Variants in EYS observed in about 807,000 individuals in gnomAD.
The protein encoded by EYS is EGF-like photoreceptor maintenance factor, also known as protein eyes shut homolog.
A neutral mutation model predicts 282.1 loss-of-function variants in EYS; 250 were observed. That is an observed-to-expected ratio of 0.89 (90% CI 0.80 to 0.98). The LOEUF (loss-of-function observed/expected upper bound fraction) is 0.98. Ranked by LOEUF, EYS falls within the 50% of genes least tolerant of loss-of-function variation. The pLI is 0.00. For synonymous variants in EYS, 1,355 were observed against 1,282.9 expected, an observed-to-expected ratio of 1.06 and a Z score of -1.20; for missense variants, 4,016 against 3,709.0, an observed-to-expected ratio of 1.08 and a Z score of -2.15.
At position 64,384,972 on chromosome 6, in the gene EYS, A is replaced by G. The variant is rs1486556500; in HGVS notation, c.6078+3718T>C. Among the ~76,000 whole-genome samples, 5 of 152,308 alleles carry G rather than the reference A, an allele frequency of 3.3e-5. No individual in the cohort carries two copies. The East Asian group carries it at 9.6e-4, about 29-fold the overall frequency. On this transcript the variant is annotated intron_variant, in intron 29 of 42. Transcript: ENST00000503581. ...ATTGGAAACTTAGGGGTGAGAGCAT[A>G]AATGTAACTTAACACTTTTTGGCTC... is the stretch of plus-strand genomic sequence containing the variant.
intron 31 of EYS, among the ~76,000 whole-genome samples, chr6:64,156,709 AT>A (rs1191110855): frequency 6.6e-6 from 1 of 152,154 alleles, no homozygotes; most frequent in Non-Finnish European, 1.5e-5. Flanking sequence ...GACTCTTGTT[AT>A]GTTTTAGCAA....
At chr6:65,225,978 T>G (rs1182421205) in intron 12 of EYS, among the ~76,000 whole-genome samples, 3 of 151,934 alleles carry the variant, frequency 2.0e-5, no homozygotes, top group Non-Finnish European at 4.4e-5. Flanking sequence ...TATCAGGAAC[T>G]AGACAGAGAA....
At chr6:64,438,905 T>C (rs1042740162) in intron 27 of EYS, among the ~76,000 whole-genome samples, 7 of 151,522 alleles carry the variant, frequency 4.6e-5, no homozygotes, top group Non-Finnish European at 8.9e-5. Flanking sequence ...ATTAATGAAA[T>C]CCAGTTAGCT....
intron 22 of EYS, among the ~76,000 whole-genome samples, chr6:64,643,116 C>A (rs1768226192): frequency 8.7e-6 from 1 of 115,592 alleles, no homozygotes; most frequent in South Asian, 3.1e-4. Context: ...ACTCCATCCC[C>A]CCCCCCAAAA....
intron 22 of EYS, among the ~76,000 whole-genome samples, chr6:64,640,953 C>T (rs4604253): frequency 0.2 from 30,354 of 152,018 alleles, 3,543 homozygotes; most frequent in East Asian, 0.34. Flanking sequence ...CATTCATTAA[C>T]GACATGACAT....
chr6:64,114,135 C>T (rs567316359), intron 31 of EYS, among the ~76,000 whole-genome samples: 29 of 152,042 alleles, frequency 1.9e-4, no homozygotes, highest in Non-Finnish European at 3.5e-4. Flanking sequence ...AAAAAAATTT[C>T]TCCAGACAAT....
At chr6:64,451,034 C>T (rs368388446) in intron 26 of EYS, among the ~76,000 whole-genome samples, 2 of 151,950 alleles carry the variant, frequency 1.3e-5, no homozygotes, top group African/African-American at 2.4e-5. Context: ...AATAGAGACA[C>T]AAAAAACCCT....
chr6:65,427,749 A>T (rs2150381528), intron 5 of EYS, among the ~76,000 whole-genome samples: 1 of 152,222 alleles, frequency 6.6e-6, no homozygotes, highest in African/African-American at 2.4e-5. Context: ...TAAAAATTGC[A>T]AAAGAAATTC....
chr6:64,020,031 G>A (rs1274078550), intron 33 of EYS, among the ~76,000 whole-genome samples: 15 of 151,890 alleles, frequency 9.9e-5, no homozygotes, highest in Non-Finnish European at 2.1e-4. Context: ...TCAGTGACAA[G>A]AAACACTGAT....
Position 64,674,729 on chromosome 6 carries a change from A to AACACACAC in EYS, c.3444-48492_3444-48485dup, listed in dbSNP as rs70999158. On this transcript the variant is annotated intron_variant, in intron 22 of 42. Coordinates refer to ENST00000503581, the MANE Select transcript of EYS (RefSeq NM_001142800.2). Reference sequence around the variant, plus strand: ...TTATGCCTCTAACATTTCTGTCATTAACACACACACACACACACACACACG... The same window carrying AACACACAC: ...TTATGCCTCTAACATTTCTGTCATTAACACACACACACACACACACACACACACACACG... Among the ~76,000 whole-genome samples, 362 of 148,226 alleles carry AACACACAC rather than the reference A, an allele frequency of 2.4e-3. 4 individuals carry two copies. Among genetic ancestry groups the AACACACAC allele is most frequent in the African/African-American group, 8.1e-3 (326 of 40,398 alleles).
chr6:65,560,931 C>A (rs1368828710), intron 2 of EYS, among the ~76,000 whole-genome samples: 1 of 151,898 alleles, frequency 6.6e-6, no homozygotes, highest in Non-Finnish European at 1.5e-5. Context: ...AATCTTCAAG[C>A]CTGAAGATTT....
intron 2 of EYS, among the ~76,000 whole-genome samples, chr6:65,603,330 C>A (rs1170439555): frequency 6.6e-6 from 1 of 151,814 alleles, no homozygotes; most frequent in African/African-American, 2.4e-5. Context: ...AAAAGATTCA[C>A]AGAGTAATGG....
intron 1 of EYS, among the ~76,000 whole-genome samples, chr6:65,684,136 T>C (rs1308652557): frequency 3.3e-5 from 5 of 151,988 alleles, no homozygotes; most frequent in Non-Finnish European, 5.9e-5. Context: ...AGATGTAACA[T>C]GATAACAATA....
chr6:64,328,665 G>A (rs920970868), intron 29 of EYS, among the ~76,000 whole-genome samples: 5 of 152,140 alleles, frequency 3.3e-5, no homozygotes, highest in Non-Finnish European at 5.9e-5. Context: ...AATAACCCAG[G>A]TTATCTATGT....
chr6:63,721,194 C>T lies in EYS; in HGVS notation c.8837G>A (p.Arg2946Lys), dbSNP rs748753540. Residue 2946 changes from arginine to lysine, a missense_variant, in exon 43 of 43, where the codon AGG (arginine) becomes AAG (lysine). Arg to Lys is a conservative substitution (Grantham distance 26). Transcript: ENST00000503581. ...SCLCTLGWVG[R>K]YCENKTSFST... ...AAATGAAGTTTTGTTTTCACAATACCTTCCCACCCAACCCAAAGTACACAG... is the reference window on the plus strand; with the variant it reads ...AAATGAAGTTTTGTTTTCACAATACTTTCCCACCCAACCCAAAGTACACAG... The T allele has an allele frequency of 6.4e-7, 1 of 1,551,520 alleles. No individual in the cohort carries two copies. The highest frequency in any genetic ancestry group is 1.2e-5 in the South Asian group (1 of 84,048).
intron 19 of EYS, among the ~76,000 whole-genome samples, chr6:64,837,811 G>T (rs1386569111): frequency 6.6e-6 from 1 of 150,814 alleles, no homozygotes; most frequent in African/African-American, 2.4e-5. Context: ...TATGCTAATA[G>T]CAAACTATCT....
intron 35 of EYS, among the ~76,000 whole-genome samples, chr6:63,883,787 T>TC (rs1014341372): frequency 2.0e-5 from 3 of 152,204 alleles, no homozygotes; most frequent in Admixed American, 6.5e-5. Flanking sequence ...CCCATTTAGT[T>TC]CCTTTGTGCT....
At chr6:65,552,890 T>A (rs1008591034) in intron 2 of EYS, among the ~76,000 whole-genome samples, 24 of 152,172 alleles carry the variant, frequency 1.6e-4, no homozygotes, top group African/African-American at 5.5e-4. Context: ...AGCCTTTCAG[T>A]TCTAAGGTAC....
At chr6:64,201,754 T>C (rs1296267059) in intron 31 of EYS, among the ~76,000 whole-genome samples, 2 of 152,210 alleles carry the variant, frequency 1.3e-5, no homozygotes, top group Non-Finnish European at 2.9e-5. Context: ...TCTCAGAAGA[T>C]GGCTTCACAG....
Sources: allele counts gnomAD v4.1 joint callset (sites outside exome capture counted in the v4.1 genomes callset), GRCh38; gene constraint gnomAD v4.1.1; transcripts MANE v1.5; gene names NCBI Gene and HGNC (gene_info 2026-07-23, HGNC 2026-07-21).